The following NRXN3 variants were observed in gnomAD, a reference collection of about 807,000 sequenced individuals.
NRXN3 encodes neurexin 3, also known as neurexin III.
A neutral mutation model predicts 137.6 loss-of-function variants in NRXN3; 32 were observed. That is an observed-to-expected ratio of 0.23 (90% CI 0.18 to 0.31). NRXN3 has a LOEUF of 0.31. Ranked by LOEUF, NRXN3 falls within the 10% of genes least tolerant of loss-of-function variation. The pLI is 1.00. For synonymous variants in NRXN3, 798 were observed against 784.5 expected (o/e 1.02, Z -0.29); for missense variants, 1,574 against 2,062.5 (o/e 0.76, Z 4.59).
chr14:79,046,613 C>G (rs2099633465), intron 15 of NRXN3, among the ~76,000 whole-genome samples: 1 of 152,148 alleles, frequency 6.6e-6, no homozygotes, highest in South Asian at 2.1e-4. Context: ...GTGCAAAAAA[C>G]ATGAGACTTT....
At chr14:78,594,324 GGGT>G (rs770836715) in intron 4 of NRXN3, among the ~76,000 whole-genome samples, 1 of 152,204 alleles carries the variant, frequency 6.6e-6, no homozygotes, top group Non-Finnish European at 1.5e-5. Context: ...GGCAGGGTCT[GGGT>G]GGTAGAGATC....
chr14:79,284,215 T>A (rs2081794231), intron 15 of NRXN3, among the ~76,000 whole-genome samples: 2 of 150,256 alleles, frequency 1.3e-5, no homozygotes, highest in Non-Finnish European at 3.0e-5. Context: ...AAATCCAATG[T>A]GTCTGGGCAT....
At chr14:78,228,544 A>G (rs1449872082) in intron 1 of NRXN3, among the ~76,000 whole-genome samples, 2 of 152,208 alleles carry the variant, frequency 1.3e-5, no homozygotes, top group Non-Finnish European at 2.9e-5. Flanking sequence ...AATGCTTGTT[A>G]TCTACCAGTC....
chr14:79,663,038 C>T (rs1404668285), intron 16 of NRXN3, among the ~76,000 whole-genome samples: 1 of 152,088 alleles, frequency 6.6e-6, no homozygotes, highest in East Asian at 1.9e-4. Context: ...TTGATGGCCA[C>T]AGAGGTTCTC....
At chr14:79,755,263 T>G (rs2099015393) in intron 19 of NRXN3, among the ~76,000 whole-genome samples, 1 of 152,208 alleles carries the variant, frequency 6.6e-6, no homozygotes, top group African/African-American at 2.4e-5. Flanking sequence ...TAAATGCCTG[T>G]TATACTATGT....
At position 79,441,678 on chromosome 14, in the gene NRXN3, C is replaced by T. The variant is rs117044831; in HGVS notation, c.3263-25543C>T. On this transcript the variant is annotated intron_variant, in intron 15 of 20. Transcript: ENST00000335750. Reference sequence around the variant, plus strand: ...TACAGGCGTGAGCCACCACACCCGACCGACAAACAGAAAATCTTAGAGGGG... The same window carrying T: ...TACAGGCGTGAGCCACCACACCCGATCGACAAACAGAAAATCTTAGAGGGG... Among the ~76,000 whole-genome samples the T allele has an allele frequency of 6.8e-3, 1,034 of 152,016 alleles. 8 individuals are homozygous for T. Among genetic ancestry groups the T allele is most frequent in the Non-Finnish European group, 9.0e-3 (609 of 67,946 alleles).
chr14:78,719,835 G>C (rs117513891), intron 8 of NRXN3, among the ~76,000 whole-genome samples: 55 of 151,942 alleles, frequency 3.6e-4, no homozygotes, highest in African/African-American at 1.3e-3. Context: ...GAGTGACTCC[G>C]TCTCAAGAAA....
At chr14:79,552,090 G>A (rs550740755) in intron 16 of NRXN3, among the ~76,000 whole-genome samples, 1 of 152,314 alleles carries the variant, frequency 6.6e-6, no homozygotes, top group Admixed American at 6.5e-5. Context: ...GTTGATAAGA[G>A]TGCTTCAGTG....
chr14:79,178,527 G>A (rs542124026), intron 15 of NRXN3, among the ~76,000 whole-genome samples: 1 of 152,288 alleles, frequency 6.6e-6, no homozygotes, highest in Non-Finnish European at 1.5e-5. Context: ...TTGTTGTCTA[G>A]CCTCTTGATT....
At chr14:79,722,967 G>A (rs975201679) in intron 19 of NRXN3, among the ~76,000 whole-genome samples, 2 of 152,018 alleles carry the variant, frequency 1.3e-5, no homozygotes, top group African/African-American at 4.8e-5. Flanking sequence ...AATGCACTTC[G>A]TTGTCCCGAA....
intron 15 of NRXN3, among the ~76,000 whole-genome samples, chr14:79,434,603 T>C (rs2095814601): frequency 6.6e-6 from 1 of 152,142 alleles, no homozygotes; most frequent in Non-Finnish European, 1.5e-5. Context: ...ACTATGCAAA[T>C]GAATCGCAAA....
At chr14:79,565,464 T>C (rs2097543132) in intron 16 of NRXN3, among the ~76,000 whole-genome samples, 2 of 151,848 alleles carry the variant, frequency 1.3e-5, no homozygotes, top group South Asian at 4.2e-4. Context: ...GCCTGTACTT[T>C]CTTTGAGAAG....
chr14:78,954,467 T>G (rs2152957279), intron 10 of NRXN3, among the ~76,000 whole-genome samples: 1 of 152,128 alleles, frequency 6.6e-6, no homozygotes, highest in Admixed American at 6.5e-5. Context: ...AAGCTTCAGT[T>G]TTTTGGGGGT....
At chr14:79,590,449 G>A (rs1381909335) in intron 16 of NRXN3, among the ~76,000 whole-genome samples, 1 of 112,534 alleles carries the variant, frequency 8.9e-6, no homozygotes, top group Non-Finnish European at 1.7e-5. Context: ...GATTATGATA[G>A]TGCTAGTCAA....
intron 19 of NRXN3, among the ~76,000 whole-genome samples, chr14:79,702,024 G>A (rs1283701390): frequency 2.0e-5 from 3 of 152,058 alleles, no homozygotes; most frequent in African/African-American, 7.2e-5. Flanking sequence ...AAATGGGGCT[G>A]TGACTACCGA....
intron 9 of NRXN3, among the ~76,000 whole-genome samples, chr14:78,805,655 A>G (rs1247348654): frequency 6.6e-6 from 1 of 152,114 alleles, no homozygotes; most frequent in Non-Finnish European, 1.5e-5. Context: ...ACTGAAAAAG[A>G]TGATGAAGAC....
At chr14:79,789,317 C>A (rs886439305) in intron 19 of NRXN3, among the ~76,000 whole-genome samples, 2 of 151,980 alleles carry the variant, frequency 1.3e-5, no homozygotes, top group African/African-American at 4.8e-5. Context: ...GATGGCTTTG[C>A]AGGACTTGGT....
At chr14:79,079,541 A>G (rs1430501614) in intron 15 of NRXN3, among the ~76,000 whole-genome samples, 1 of 152,208 alleles carries the variant, frequency 6.6e-6, no homozygotes, top group Non-Finnish European at 1.5e-5. Context: ...CTTCAAATGT[A>G]TGTTTTAAGC....
intron 16 of NRXN3, among the ~76,000 whole-genome samples, chr14:79,594,341 AT>A (rs2097841526): frequency 6.6e-6 from 1 of 152,184 alleles, no homozygotes; most frequent in African/African-American, 2.4e-5. Flanking sequence ...CTGATAAAAA[AT>A]ATCCTGCCAT....
Sources: allele counts gnomAD v4.1 joint callset (sites outside exome capture counted in the v4.1 genomes callset), GRCh38; gene constraint gnomAD v4.1.1; transcripts MANE v1.5; gene names NCBI Gene and HGNC (gene_info 2026-07-23, HGNC 2026-07-21).